Variants in SBF2 observed in about 807,000 individuals in gnomAD.
SBF2 encodes the protein SET binding factor 2.
SBF2 carries 112 observed loss-of-function variants against 225.2 expected under a neutral mutation model. That is an observed-to-expected ratio of 0.50 (90% CI 0.43 to 0.58). SBF2 has a LOEUF of 0.58. SBF2 is among the 20% of genes least tolerant of loss of function. SBF2 has a pLI of 0.00. For synonymous variants in SBF2, 763 were observed against 773.3 expected (o/e 0.99, Z 0.22); for missense variants, 1,996 against 2,206.2 (o/e 0.90, Z 1.91).
chr11:9,915,918 G>T (rs1224213533), intron 16 of SBF2, among the ~76,000 whole-genome samples: 1 of 152,060 alleles, frequency 6.6e-6, no homozygotes, highest in Non-Finnish European at 1.5e-5. Flanking sequence ...ACAAAAATTA[G>T]CCAGGTGTGG....
chr11:9,802,212 A>T (rs1250758299), intron 32 of SBF2, among the ~76,000 whole-genome samples: 1 of 152,116 alleles, frequency 6.6e-6, no homozygotes, highest in African/African-American at 2.4e-5. Flanking sequence ...GATTTTTTTT[A>T]ATTTGGCTCA....
chr11:10,130,512 C>A (rs1953990475), intron 2 of SBF2, among the ~76,000 whole-genome samples: 1 of 152,104 alleles, frequency 6.6e-6, no homozygotes, highest in Non-Finnish European at 1.5e-5. Flanking sequence ...CAGTTCCCCC[C>A]ATGGTTATTT....
At chr11:9,789,418 C>G (rs1852594925) in intron 34 of SBF2, 76 bp from the exon 35 acceptor site, 1 of 1,011,664 alleles carries the variant, frequency 9.9e-7, no homozygotes, top group Admixed American at 1.8e-5. Context: ...AAACCCCTAA[C>G]ATTTATAGAG....
At chr11:10,280,712 A>G (rs1209337028) in intron 1 of SBF2, among the ~76,000 whole-genome samples, 1 of 152,180 alleles carries the variant, frequency 6.6e-6, no homozygotes, top group Non-Finnish European at 1.5e-5. Context: ...TCCAGCTGAA[A>G]CAATCTGGGC....
intron 2 of SBF2, among the ~76,000 whole-genome samples, chr11:10,130,573 GTA>G (rs1953993672): frequency 6.6e-6 from 1 of 152,036 alleles, no homozygotes; most frequent in Non-Finnish European, 1.5e-5. Flanking sequence ...TACAATGTGT[GTA>G]TAGTTCTATG....
chr11:10,026,598 T>C (rs1182543883), intron 6 of SBF2, among the ~76,000 whole-genome samples: 2 of 152,016 alleles, frequency 1.3e-5, no homozygotes, highest in East Asian at 3.9e-4. Flanking sequence ...ATTAACTGGG[T>C]ATGATTGCAT....
intron 30 of SBF2, among the ~76,000 whole-genome samples, chr11:9,810,073 T>C (rs1854092780): frequency 6.6e-6 from 1 of 152,110 alleles, no homozygotes; most frequent in Non-Finnish European, 1.5e-5. Context: ...GCTCAGGAGT[T>C]TGAGACCACC....
At chr11:10,245,890 C>A (rs1272698445) in intron 1 of SBF2, among the ~76,000 whole-genome samples, 1 of 151,968 alleles carries the variant, frequency 6.6e-6, no homozygotes, top group Non-Finnish European at 1.5e-5. Context: ...TAAGTCAGAC[C>A]CAGAAGGACA....
At chr11:10,059,981 C>T (rs1056136646) in intron 2 of SBF2, among the ~76,000 whole-genome samples, 1 of 151,868 alleles carries the variant, frequency 6.6e-6, no homozygotes, top group African/African-American at 2.4e-5. Flanking sequence ...ATTAGAGAAG[C>T]AAGAACAAAT....
chr11:9,920,307 T>G (rs1863516218), intron 16 of SBF2, among the ~76,000 whole-genome samples: 1 of 151,886 alleles, frequency 6.6e-6, no homozygotes, highest in Non-Finnish European at 1.5e-5. Flanking sequence ...GGGGGAAGAA[T>G]TTACTCTAAG....
At chr11:9,967,947 G>GTCTCTCTCTCTCTC (rs1214352340) in intron 14 of SBF2, among the ~76,000 whole-genome samples, 12 of 100,226 alleles carry the variant, frequency 1.2e-4, no homozygotes, top group Admixed American at 2.1e-4. Flanking sequence ...CTGTCTGTCT[G>GTCTCTCTCTCTCTC]TCTCTCTCTC....
At chr11:9,849,008 G>T (rs1856740131) in intron 22 of SBF2, among the ~76,000 whole-genome samples, 1 of 152,148 alleles carries the variant, frequency 6.6e-6, no homozygotes, top group African/African-American at 2.4e-5. Flanking sequence ...CTCATCAAAT[G>T]CTACTGCATA....
At chr11:10,103,640 C>CT (rs1454911155) in intron 2 of SBF2, among the ~76,000 whole-genome samples, 1 of 152,176 alleles carries the variant, frequency 6.6e-6, no homozygotes, top group East Asian at 1.9e-4. Flanking sequence ...CTGTAAAACT[C>CT]TAACAGATGT....
chr11:10,284,693 C>CTCGA (rs1194612286), intron 1 of SBF2, among the ~76,000 whole-genome samples: 2 of 152,146 alleles, frequency 1.3e-5, no homozygotes, highest in African/African-American at 4.8e-5. Context: ...TCACTGCAGC[C>CTCGA]TCGACCTCCT....
chr11:10,018,397 C>T (rs1948727102), intron 6 of SBF2, among the ~76,000 whole-genome samples: 1 of 152,098 alleles, frequency 6.6e-6, no homozygotes, highest in African/African-American at 2.4e-5. Context: ...CTTCATCCTG[C>T]CACCATTTGG....
intron 2 of SBF2, among the ~76,000 whole-genome samples, chr11:10,073,886 G>A (rs1391588015): frequency 6.6e-6 from 1 of 152,134 alleles, no homozygotes. Flanking sequence ...CAGATGGTTG[G>A]TGATATTATT....
At chr11:10,166,742 C>T (rs1390899960) in intron 2 of SBF2, among the ~76,000 whole-genome samples, 4 of 151,992 alleles carry the variant, frequency 2.6e-5, no homozygotes, top group African/African-American at 7.3e-5. Flanking sequence ...GTGGGGAGAC[C>T]ACTTGAGGCC....
chr11:10,231,704 G>T (rs930620677), intron 1 of SBF2, among the ~76,000 whole-genome samples: 1 of 152,188 alleles, frequency 6.6e-6, no homozygotes, highest in African/African-American at 2.4e-5. Context: ...TGTGTGAGGT[G>T]TCAGTCCACC....
chr11:10,273,617 A>G (rs1047149894), intron 1 of SBF2, among the ~76,000 whole-genome samples: 6 of 152,254 alleles, frequency 3.9e-5, no homozygotes, highest in African/African-American at 1.2e-4. Context: ...ACAGGTACAA[A>G]AACAAAGATG....
Sources: allele counts gnomAD v4.1 joint callset (sites outside exome capture counted in the v4.1 genomes callset), GRCh38; gene constraint gnomAD v4.1.1; transcripts MANE v1.5; gene names NCBI Gene and HGNC (gene_info 2026-07-23, HGNC 2026-07-21).